MEMO1: variants seen among roughly 807,000 people sequenced by gnomAD.
MEMO1 encodes the protein mediator of cell motility 1, also known as protein MEMO1.
Under a neutral mutation model 45.2 loss-of-function variants are expected in MEMO1, and 6 were observed. The observed-to-expected ratio is 0.13, with a 90% CI of 0.07 to 0.26. The LOEUF (loss-of-function observed/expected upper bound fraction) is 0.26, where lower values mean the gene tolerates loss of function less well. MEMO1 is among the 10% of genes least tolerant of loss of function. The pLI is 1.00. For synonymous variants in MEMO1, 78 were observed against 124.3 expected (o/e 0.63, Z 2.48); for missense variants, 184 against 370.5 (o/e 0.50, Z 4.13).
chr2:32,000,720 A>T (rs537971520), intron 2 of MEMO1, among the ~76,000 whole-genome samples: 2 of 152,190 alleles, frequency 1.3e-5, no homozygotes, highest in Non-Finnish European at 2.9e-5. Flanking sequence ...CTGAGCCTTT[A>T]AACATTCCCT....
At chr2:31,944,338 C>T (rs1222365374) in intron 2 of MEMO1, among the ~76,000 whole-genome samples, 1 of 152,100 alleles carries the variant, frequency 6.6e-6, no homozygotes, top group Admixed American at 6.6e-5. Context: ...TTCCTTCATC[C>T]CCTTATCACT....
chr2:32,000,315 C>T (rs1330128251), intron 2 of MEMO1, among the ~76,000 whole-genome samples: 3 of 151,898 alleles, frequency 2.0e-5, no homozygotes, highest in Admixed American at 6.6e-5. Flanking sequence ...CTGCAAGCTC[C>T]GCCTCCTGGG....
At chr2:31,892,248 T>A in intron 6 of MEMO1, 114 bp from the exon 7 acceptor site, 2 of 876,180 alleles carry the variant, frequency 2.3e-6, no homozygotes, top group South Asian at 2.1e-5. Context: ...GGATAACATA[T>A]GTAATTATTA....
chr2:31,965,482 A>C (rs1267953588), intron 2 of MEMO1, among the ~76,000 whole-genome samples: 1 of 152,176 alleles, frequency 6.6e-6, no homozygotes, highest in Non-Finnish European at 1.5e-5. Context: ...TGTTCTTTCC[A>C]CTGTTACAGA....
At chr2:31,961,241 T>C (rs1667973700) in intron 2 of MEMO1, among the ~76,000 whole-genome samples, 3 of 151,704 alleles carry the variant, frequency 2.0e-5, no homozygotes, top group Non-Finnish European at 2.9e-5. Context: ...GCCTATAATC[T>C]CAGCTACTCA....
chr2:31,999,355 T>C (rs918183247), intron 2 of MEMO1, among the ~76,000 whole-genome samples: 3 of 152,070 alleles, frequency 2.0e-5, no homozygotes, highest in African/African-American at 7.2e-5. Context: ...CCAATGACCA[T>C]CTGACTCAAG....
intron 8 of MEMO1, among the ~76,000 whole-genome samples, chr2:31,877,290 G>GT (rs993214239): frequency 3.3e-5 from 5 of 152,200 alleles, no homozygotes; most frequent in Non-Finnish European, 7.3e-5. Context: ...ATACAGCAGG[G>GT]TAAGGCCAAT....
intron 8 of MEMO1, among the ~76,000 whole-genome samples, chr2:31,875,945 C>T (rs1241172873): frequency 1.3e-5 from 2 of 152,150 alleles, no homozygotes; most frequent in Admixed American, 6.5e-5. Flanking sequence ...CCTCGGCCCC[C>T]CAAACTGCTG....
At chr2:31,923,987 T>C (rs143826850) in intron 4 of MEMO1, among the ~76,000 whole-genome samples, 186 of 152,274 alleles carry the variant, frequency 1.2e-3, no homozygotes, top group African/African-American at 4.5e-3. Flanking sequence ...AATTAACCAA[T>C]TCTGTACTCT....
At chr2:32,001,485 G>A (rs1311940080) in intron 2 of MEMO1, among the ~76,000 whole-genome samples, 1 of 152,018 alleles carries the variant, frequency 6.6e-6, no homozygotes, top group Admixed American at 6.6e-5. Flanking sequence ...TTTAATGTAA[G>A]ATATTACTTG....
chr2:31,917,638 T>C (rs1367061116), intron 6 of MEMO1, among the ~76,000 whole-genome samples: 1 of 152,228 alleles, frequency 6.6e-6, no homozygotes, highest in Non-Finnish European at 1.5e-5. Flanking sequence ...AAATGTCTAA[T>C]GAATAAAATA....
At chr2:31,976,684 G>A (rs1369499085) in intron 2 of MEMO1, among the ~76,000 whole-genome samples, 1 of 151,996 alleles carries the variant, frequency 6.6e-6, no homozygotes, top group Non-Finnish European at 1.5e-5. Flanking sequence ...ATATTACTAT[G>A]ATCATAATTT....
chr2:31,980,355 C>T (rs1670494044), intron 2 of MEMO1, among the ~76,000 whole-genome samples: 1 of 152,270 alleles, frequency 6.6e-6, no homozygotes, highest in Admixed American at 6.5e-5. Flanking sequence ...ACTGCTTGAA[C>T]CCAGGAGTTG....
At chr2:32,009,994 C>A (rs1674636441) in intron 2 of MEMO1, among the ~76,000 whole-genome samples, 193 bp downstream of exon 2, 1 of 150,188 alleles carries the variant, frequency 6.7e-6, no homozygotes, top group Non-Finnish European at 1.5e-5. Flanking sequence ...GCGCGGGATG[C>A]CCGCCGCCCG....
chr2:31,943,159 G>A, intron 3 of MEMO1, 143 bp downstream of exon 3: 2 of 674,756 alleles, frequency 3.0e-6, no homozygotes. Context: ...CAACTGCTCA[G>A]GAGGTTGAGG....
At chr2:31,969,597 GT>G (rs1558542104) in intron 2 of MEMO1, among the ~76,000 whole-genome samples, 72 of 140,698 alleles carry the variant, frequency 5.1e-4, no homozygotes, top group African/African-American at 1.8e-3. Context: ...GTGTGTGTGT[GT>G]GTGTGTGTGT....
At chr2:31,884,308 A>G (rs574116857) in intron 7 of MEMO1, among the ~76,000 whole-genome samples, 32 of 152,336 alleles carry the variant, frequency 2.1e-4, no homozygotes, top group African/African-American at 7.5e-4. Context: ...TATTTCAGAT[A>G]CACCTAAATC....
At chr2:31,890,499 A>C (rs1267686250) in intron 7 of MEMO1, among the ~76,000 whole-genome samples, 2 of 152,206 alleles carry the variant, frequency 1.3e-5, no homozygotes, top group African/African-American at 4.8e-5. Flanking sequence ...CCTAGCCTTC[A>C]GATCTAAGTA....
Position 31,892,125 on chromosome 2 carries a change from A to C in MEMO1, c.447T>G (p.Asp149Glu). ...CCAGTACAGGAATAATGGTAAACTC[A>C]TCCTTATGGCTTAAAGAAAACAGAA... Reference protein sequence around the residue: ...YTAKAMESHKDEFTIIPVLVG... With the variant: ...YTAKAMESHKEEFTIIPVLVG... Residue 149 changes from aspartate (D) to glutamate (E), a missense_variant, in exon 7 of 10, where the codon GAT becomes GAG. Coordinates refer to ENST00000404530, the MANE Select transcript of MEMO1 (RefSeq NM_001301833.4). 6.3e-7 allele frequency: 1 copy of C among 1,591,180 alleles called. No individual in the cohort carries two copies. The highest frequency in any genetic ancestry group is 1.2e-5 in the South Asian group (1 of 86,470).
Sources: allele counts gnomAD v4.1 joint callset (sites outside exome capture counted in the v4.1 genomes callset), GRCh38; gene constraint gnomAD v4.1.1; transcripts MANE v1.5; gene names NCBI Gene and HGNC (gene_info 2026-07-23, HGNC 2026-07-21).